Variants in INVS observed in about 807,000 individuals in gnomAD.
INVS encodes the protein inversin.
In INVS, 86 loss-of-function variants were observed where a neutral mutation model predicts 108.8. The observed-to-expected ratio is 0.79, with a 90% confidence interval of 0.66 to 0.95. The LOEUF (loss-of-function observed/expected upper bound fraction) is 0.95, where lower values mean the gene tolerates loss of function less well. Ranked by LOEUF, INVS falls within the 40% of genes least tolerant of loss-of-function variation. The pLI, the probability that INVS is intolerant of heterozygous loss-of-function variation, is 0.00. For synonymous variants in INVS, 455 were observed against 473.5 expected, an observed-to-expected ratio of 0.96 and a Z score of 0.51; for missense variants, 1,169 against 1,297.4, an observed-to-expected ratio of 0.90 and a Z score of 1.52.
chr9:100,158,530 C>T (rs1049813604), intron 3 of INVS, among the ~76,000 whole-genome samples: 3 of 152,184 alleles, frequency 2.0e-5, no homozygotes, highest in African/African-American at 4.8e-5. Flanking sequence ...ACCTATATTA[C>T]CACATTCCTA....
chr9:100,254,489 C>T, intron 10 of INVS, among the ~76,000 whole-genome samples: 1 of 152,158 alleles, frequency 6.6e-6, no homozygotes, highest in East Asian at 1.9e-4. Context: ...GAAGTCCTTG[C>T]CCATGCCTAT....
Position 100,160,880 on chromosome 9 carries a change from G to A in INVS, c.273+34331G>A, listed in dbSNP as rs138570007. 4.7e-3 allele frequency among the ~76,000 whole-genome samples: 685 copies of A among 147,228 alleles called. 6 individuals are homozygous for A. The highest frequency in any genetic ancestry group is 0.016 in the African/African-American group (645 of 39,208). On this transcript the variant is annotated intron_variant, in intron 3 of 16. Coordinates refer to ENST00000262457, the MANE Select transcript of INVS (RefSeq NM_014425.5). The stretch of plus-strand genomic sequence containing the variant: ...TGAGGCAGGAGACTCACTTGAACCC[G>A]GGAGGCGGAGGTTGCAGTGAGCTGA...
intron 1 of INVS, among the ~76,000 whole-genome samples, chr9:100,100,902 T>TA (rs1826917904): frequency 2.0e-5 from 1 of 50,734 alleles, no homozygotes; most frequent in African/African-American, 1.3e-4. Context: ...ATATTATATA[T>TA]GTATATATAT....
chr9:100,128,354 A>C (rs1337204104), intron 3 of INVS, among the ~76,000 whole-genome samples: 2 of 152,190 alleles, frequency 1.3e-5, no homozygotes, highest in African/African-American at 4.8e-5. Flanking sequence ...GTATCTGATA[A>C]TTATGCATTT....
intron 3 of INVS, among the ~76,000 whole-genome samples, chr9:100,161,549 A>G (rs980605083): frequency 4.6e-5 from 7 of 152,098 alleles, no homozygotes. Context: ...TTTTGAAGTT[A>G]GTTTACAAAG....
chr9:100,228,595 G>A (rs993166403), intron 4 of INVS, among the ~76,000 whole-genome samples: 2 of 152,258 alleles, frequency 1.3e-5, no homozygotes. Context: ...ATTTATAAAT[G>A]ACTGGGCCGC....
chr9:100,184,386 AC>A (rs1829993801), intron 3 of INVS, among the ~76,000 whole-genome samples: 1 of 152,168 alleles, frequency 6.6e-6, no homozygotes, highest in Middle Eastern at 3.2e-3. Context: ...TTGCTGGAAA[AC>A]CATGCAGATC....
At chr9:100,203,882 T>G (rs560736837) in intron 3 of INVS, among the ~76,000 whole-genome samples, 24 of 152,160 alleles carry the variant, frequency 1.6e-4, no homozygotes, top group Non-Finnish European at 3.1e-4. Context: ...ATGTTTCTCC[T>G]TGAAAATTTA....
Position 100,296,966 on chromosome 9 carries a change from G to A in INVS, c.2836G>A (p.Gly946Arg), listed in dbSNP as rs1174030955. The change falls in exon 15 of 17, where the codon GGA (glycine) becomes AGA (arginine). Residue 946 changes from glycine to arginine, a missense_variant. By Grantham distance (125) the Gly-to-Arg change is moderately radical. Coordinates refer to ENST00000262457, the MANE Select transcript of INVS (RefSeq NM_014425.5). ...LSHLRHMKQL[G>R]AGDVDRWRQE... Reference sequence around the variant, plus strand: ...CCACCTTCGGCATATGAAGCAGCTTGGAGCTGGAGATGTGGACAGATGGAG... The same window carrying A: ...CCACCTTCGGCATATGAAGCAGCTTAGAGCTGGAGATGTGGACAGATGGAG... 1.2e-6 allele frequency: 2 copies of A among 1,614,098 alleles called. No homozygotes were observed. Among genetic ancestry groups the A allele is most frequent in the South Asian group, 1.1e-5 (1 of 91,072 alleles).
At chr9:100,146,891 G>A (rs377226713) in intron 3 of INVS, among the ~76,000 whole-genome samples, 2 of 152,160 alleles carry the variant, frequency 1.3e-5, no homozygotes, top group Admixed American at 6.5e-5. Flanking sequence ...TTCCGTCAAC[G>A]TAGGTGTACA....
At chr9:100,100,595 TGTACATATAA>T (rs1564111000) in intron 1 of INVS, among the ~76,000 whole-genome samples, 9 of 95,722 alleles carry the variant, frequency 9.4e-5, no homozygotes, top group African/African-American at 4.0e-4. Context: ...ATATAATATA[TGTACATATAA>T]TATATATAAT....
intron 3 of INVS, among the ~76,000 whole-genome samples, chr9:100,192,656 C>G (rs1429130282): frequency 6.6e-6 from 1 of 152,176 alleles, no homozygotes; most frequent in Non-Finnish European, 1.5e-5. Context: ...GTTGCTACCA[C>G]TTTACACTCT....
chr9:100,205,578 A>T (rs1325592116), intron 3 of INVS, among the ~76,000 whole-genome samples: 1 of 152,064 alleles, frequency 6.6e-6, no homozygotes. Flanking sequence ...AATGTCTTAG[A>T]TTCCTACAAA....
chr9:100,297,576 A>G (rs944825895), intron 15 of INVS, among the ~76,000 whole-genome samples: 6 of 152,226 alleles, frequency 3.9e-5, no homozygotes, highest in African/African-American at 1.4e-4. Context: ...AGAATGCTCA[A>G]CACCCATGCA....
intron 3 of INVS, among the ~76,000 whole-genome samples, chr9:100,134,061 C>T (rs1828142917): frequency 6.6e-6 from 1 of 151,966 alleles, no homozygotes; most frequent in South Asian, 2.1e-4. Context: ...TATGCCGCAC[C>T]ATATTTGTTG....
chr9:100,284,547 A>G lies in INVS; in HGVS notation c.2012A>G (p.Gln671Arg), dbSNP rs1185692656. The G allele has an allele frequency of 1.9e-6, 3 of 1,613,828 alleles. No individual in the cohort carries two copies. Among genetic ancestry groups the G allele is most frequent in the Non-Finnish European group, 2.5e-6 (3 of 1,179,872 alleles). The change falls in exon 13 of 17, where the codon CAG (glutamine) becomes CGG (arginine). Residue 671 changes from glutamine (Q) to arginine (R), a missense_variant. Transcript: ENST00000262457. ...SPGGSLGGAL[Q>R]KEQHVSSDLQ... ...GGAGGGTCTCTAGGCGGAGCCCTCC[A>G]GAAGGAGCAGCATGTTTCCTCAGAT...
chr9:100,282,407 G>C (rs142674595), intron 12 of INVS, among the ~76,000 whole-genome samples: 1 of 152,138 alleles, frequency 6.6e-6, no homozygotes, highest in Non-Finnish European at 1.5e-5. Flanking sequence ...CCATGTTCTC[G>C]GTAATGGGAC....
intron 16 of INVS, among the ~76,000 whole-genome samples, chr9:100,300,201 G>C (rs1833921616): frequency 6.6e-6 from 1 of 152,114 alleles, no homozygotes; most frequent in South Asian, 2.1e-4. Context: ...CTATTTTCTA[G>C]AACAACTATT....
At position 100,246,686 on chromosome 9, in the gene INVS, T is replaced by G. The variant is rs1252547865; in HGVS notation, c.977T>G (p.Phe326Cys). Residue 326 changes from phenylalanine (F) to cysteine (C), a missense_variant, in exon 8 of 17, where the codon TTT becomes TGT. Coordinates refer to ENST00000262457, the MANE Select transcript of INVS (RefSeq NM_014425.5). ...DDSDLEGRTSFMWAAGKGSDD... is the reference protein window; with the variant it reads ...DDSDLEGRTSCMWAAGKGSDD... ...TCAGACCTGGAAGGAAGAACATCCT[T>G]TATGTGGGCAGCTGGCAAAGGCAGT... 6.2e-7 allele frequency: 1 copy of G among 1,613,816 alleles called. No homozygotes were observed. Among genetic ancestry groups the G allele is most frequent in the Admixed American group, 1.7e-5 (1 of 60,002 alleles).
Sources: gnomAD v4.1 joint callset for allele counts (sites outside exome capture counted in the v4.1 genomes callset) on GRCh38, gnomAD v4.1.1 for gene constraint, MANE v1.5 for transcripts, NCBI Gene and HGNC (gene_info 2026-07-23, HGNC 2026-07-21) for gene names.